Variants in EFCAB6 observed in about 807,000 individuals in gnomAD.
EFCAB6 encodes the protein EF-hand calcium binding domain 6.
In EFCAB6, 156 loss-of-function variants were observed where a neutral mutation model predicts 169.8. The observed-to-expected ratio is 0.92, with a 90% CI of 0.81 to 1.05. The LOEUF (loss-of-function observed/expected upper bound fraction) is 1.05, where lower values mean the gene tolerates loss of function less well. EFCAB6 is among the 50% of genes least tolerant of loss of function. The pLI is 0.00. For synonymous variants in EFCAB6, 698 were observed against 676.4 expected, an observed-to-expected ratio of 1.03 and a Z score of -0.50; for missense variants, 1,800 against 1,829.1, an observed-to-expected ratio of 0.98 and a Z score of 0.29.
rs2051368490 is a variant in EFCAB6 at position 43,590,086 on chromosome 22, T to C, written c.3020A>G (p.His1007Arg). 1 of 1,613,386 alleles carries C rather than the reference T, an allele frequency of 6.2e-7. No homozygotes were observed. The highest frequency in any genetic ancestry group is 8.5e-7 in the Non-Finnish European group (1 of 1,179,760). Reference protein sequence around the residue: ...GCSLTEGELTHLLNSWGVSRH... With the variant: ...GCSLTEGELTRLLNSWGVSRH... Reference sequence around the variant, plus strand: ...AGTCCAAAAAGACCTGTTTAGCAGATGGGTCAGCTCCCCTTCGGTAAGAGA... The same window carrying C: ...AGTCCAAAAAGACCTGTTTAGCAGACGGGTCAGCTCCCCTTCGGTAAGAGA... Residue 1007 changes from histidine (H) to arginine (R), a missense_variant, in exon 24 of 32, where the codon CAT (histidine) becomes CGT (arginine). Coordinates refer to ENST00000262726, the MANE Select transcript of EFCAB6 (RefSeq NM_022785.4).
At chr22:43,662,791 T>C (rs1200662459) in intron 17 of EFCAB6, among the ~76,000 whole-genome samples, 1 of 152,170 alleles carries the variant, frequency 6.6e-6, no homozygotes, top group Non-Finnish European at 1.5e-5. Flanking sequence ...ACTCCAGAAT[T>C]ACACCTGGTA....
Position 43,740,905 on chromosome 22 carries a change from C to T in EFCAB6, c.508-4912G>A, listed in dbSNP as rs138447250. Among the ~76,000 whole-genome samples, 257 of 152,248 alleles carry T rather than the reference C, an allele frequency of 1.7e-3. 1 individual carries two copies. The highest frequency in any genetic ancestry group is 6.1e-3 in the African/African-American group (255 of 41,542). ...ATGAGCACGATGCGCTTTTTTAAAA[C>T]CCCAGAGCAACCCATATGGATCTCT... On this transcript the variant is annotated intron_variant, in intron 6 of 31. Coordinates refer to ENST00000262726, the MANE Select transcript of EFCAB6 (RefSeq NM_022785.4).
intron 22 of EFCAB6, among the ~76,000 whole-genome samples, chr22:43,602,801 C>A (rs1182395143): frequency 6.6e-6 from 1 of 152,092 alleles, no homozygotes; most frequent in Non-Finnish European, 1.5e-5. Flanking sequence ...CCTTTGAGCT[C>A]CTCAAGGCGC....
intron 6 of EFCAB6, among the ~76,000 whole-genome samples, chr22:43,752,116 ATTTTT>A (rs33992120): frequency 4.1e-5 from 5 of 123,454 alleles, no homozygotes; most frequent in Non-Finnish European, 8.2e-5. Context: ...TCTCCTTTCC[ATTTTT>A]TTTTTTTTTT....
chr22:43,811,235 G>T (rs1229270607), intron 1 of EFCAB6, among the ~76,000 whole-genome samples: 3 of 149,538 alleles, frequency 2.0e-5, no homozygotes, highest in African/African-American at 7.4e-5. Flanking sequence ...AGCTGGGATC[G>T]CTGCACTCCA....
chr22:43,664,283 C>T (rs1424166869), intron 17 of EFCAB6, among the ~76,000 whole-genome samples: 1 of 152,222 alleles, frequency 6.6e-6, no homozygotes, highest in Non-Finnish European at 1.5e-5. Context: ...TAGGGCTGCA[C>T]TGGGGATGCC....
chr22:43,718,063 C>CCATCCAT (rs2059395876), intron 8 of EFCAB6, among the ~76,000 whole-genome samples: 1 of 131,914 alleles, frequency 7.6e-6, no homozygotes, highest in Non-Finnish European at 1.7e-5. Context: ...CATCCATCCA[C>CCATCCAT]CCATCCATCC....
chr22:43,731,548 G>A (rs931085790), intron 8 of EFCAB6, 151 bp downstream of exon 8: 10 of 492,378 alleles, frequency 2.0e-5, no homozygotes, highest in Non-Finnish European at 3.1e-5. Context: ...AGGCATTGAC[G>A]TTATTCTTAT....
chr22:43,685,398 G>T (rs1405553313), intron 11 of EFCAB6, among the ~76,000 whole-genome samples: 2 of 152,182 alleles, frequency 1.3e-5, no homozygotes, highest in Non-Finnish European at 2.9e-5. Context: ...TCAGCTGGGA[G>T]CCCAGAGAGA....
In EFCAB6 at chr22:43,626,498, A is replaced by G; in HGVS notation, c.2414T>C (p.Leu805Ser). The G allele has an allele frequency of 6.2e-7, 1 of 1,614,198 alleles. No homozygotes were observed. The highest frequency in any genetic ancestry group is 8.5e-7 in the Non-Finnish European group (1 of 1,180,042). ...TGTTCTCCATGGTCTCTTCTCACAC[A>G]AATTTTGAAATTCCCGAAAATTTAA... ...VTLNFREFQN[L>S]CEKRPWRTDE... The change falls in exon 20 of 32, where the codon TTG (leucine) becomes TCG (serine). Residue 805 changes from leucine (L) to serine (S), a missense_variant. By Grantham distance (145) the Leu-to-Ser change is moderately radical. Coordinates refer to ENST00000262726, the MANE Select transcript of EFCAB6 (RefSeq NM_022785.4).
chr22:43,641,444 T>C (rs760883217), intron 17 of EFCAB6, among the ~76,000 whole-genome samples: 11 of 151,980 alleles, frequency 7.2e-5, no homozygotes, highest in African/African-American at 1.7e-4. Flanking sequence ...GGTGAAACCC[T>C]GTCTCTACTG....
rs112264927 is a variant in EFCAB6, at chr22:43,777,409, C to T, written c.140-4306G>A. On this transcript the variant is annotated intron_variant, in intron 3 of 31. Coordinates refer to ENST00000262726, the MANE Select transcript of EFCAB6 (RefSeq NM_022785.4). ...CACTTAAGAGAGGGCAGACAGGGAACAGAGGAATGAGCACAGCCCTGAGGG... is the reference window on the plus strand; with the variant it reads ...CACTTAAGAGAGGGCAGACAGGGAATAGAGGAATGAGCACAGCCCTGAGGG... Among the ~76,000 whole-genome samples, 400 of 152,296 alleles carry T rather than the reference C, an allele frequency of 2.6e-3. 2 individuals carry two copies. Among genetic ancestry groups the T allele is most frequent in the Non-Finnish European group, 4.1e-3 (278 of 68,022 alleles).
At chr22:43,716,660 C>T in intron 9 of EFCAB6, 188 bp downstream of exon 9, 4 of 534,732 alleles carry the variant, frequency 7.5e-6, no homozygotes, top group Non-Finnish European at 1.2e-5. Context: ...AATTTCACAT[C>T]ACCATCACGA....
At chr22:43,612,514 GA>G (rs1176833083) in intron 21 of EFCAB6, among the ~76,000 whole-genome samples, 3 of 152,014 alleles carry the variant, frequency 2.0e-5, no homozygotes, top group South Asian at 2.1e-4. Flanking sequence ...ACAATCATAT[GA>G]AAAAAAGCTC....
rs1031476994 is a variant in EFCAB6, at chr22:43,631,494, T to G, written c.2232+611A>C. Among the ~76,000 whole-genome samples, 55 of 152,028 alleles carry G rather than the reference T, an allele frequency of 3.6e-4. 1 individual carries two copies. The highest frequency in any genetic ancestry group is 1.2e-3 in the African/African-American group (51 of 41,286). ...TCAGGCTGCCTCATCTATGGCTCCC[T>G]CCTTTCCTGGCCAGCCCAGGCTTAG... On this transcript the variant is annotated intron_variant, in intron 19 of 31. Transcript: ENST00000262726.
chr22:43,683,610 A>G (rs1379259254), intron 12 of EFCAB6, 137 bp downstream of exon 12: 1 of 680,400 alleles, frequency 1.5e-6, no homozygotes, highest in Non-Finnish European at 2.6e-6. Flanking sequence ...AATAATTCCC[A>G]GCATGTAACG....
At chr22:43,590,742 CAAAAA>C (rs553431883) in intron 23 of EFCAB6, among the ~76,000 whole-genome samples, 4 of 80,084 alleles carry the variant, frequency 5.0e-5, no homozygotes, top group Admixed American at 2.5e-4. Flanking sequence ...GTTTGAAGGC[CAAAAA>C]AAAAAAAAAA....
intron 27 of EFCAB6, among the ~76,000 whole-genome samples, chr22:43,550,243 C>CAAG (rs2048305086): frequency 2.6e-5 from 4 of 152,158 alleles, no homozygotes; most frequent in Non-Finnish European, 1.5e-5. Flanking sequence ...AGGCTGGGCA[C>CAAG]CTCCTCCAGG....
chr22:43,545,491 G>C (rs565161589), intron 27 of EFCAB6, among the ~76,000 whole-genome samples: 1 of 152,328 alleles, frequency 6.6e-6, no homozygotes, highest in African/African-American at 2.4e-5. Context: ...AAGGGCCAAG[G>C]AAAGCTGCTA....
Sources: gnomAD v4.1 joint callset for allele counts (sites outside exome capture counted in the v4.1 genomes callset) on GRCh38, gnomAD v4.1.1 for gene constraint, MANE v1.5 for transcripts, NCBI Gene and HGNC (gene_info 2026-07-23, HGNC 2026-07-21) for gene names.